ENOSF1: variants seen among roughly 807,000 people sequenced by gnomAD.
ENOSF1 encodes mitochondrial enolase superfamily member 1.
ENOSF1 carries 73 observed loss-of-function variants against 68.2 expected under a neutral mutation model. That is an observed-to-expected ratio of 1.07 (90% CI 0.89 to 1.30). ENOSF1 has a LOEUF of 1.30. ENOSF1 is among the 50% of genes most tolerant of loss of function. The pLI is 0.00. For synonymous variants in ENOSF1, 223 were observed against 210.4 expected (o/e 1.06, Z -0.52); for missense variants, 589 against 554.5 (o/e 1.06, Z -0.62).
chr18:690,408 G>T, intron 8 of ENOSF1, 141 bp downstream of exon 8: 1 of 875,518 alleles, frequency 1.1e-6, no homozygotes, highest in Non-Finnish European at 1.8e-6. Flanking sequence ...GAGAAGTGGA[G>T]AACTGGTTGG....
At chr18:668,929 T>G (rs910329187), downstream of ENOSF1, 1 of 604,126 alleles carries the variant, frequency 1.7e-6, no homozygotes, top group Non-Finnish European at 2.8e-6. Context: ...ATCTGCAAAC[T>G]TTGCAGGATG....
chr18:664,872 A>G, the ENOSF1 span, among the ~76,000 whole-genome samples: 13 of 123,510 alleles, frequency 1.1e-4, no homozygotes, highest in African/African-American at 4.5e-4. Context: ...TGAAGCCCAC[A>G]TGATCATGGT....
At chr18:706,047 G>A (rs2847327) in intron 2 of ENOSF1, among the ~76,000 whole-genome samples, 1 of 151,744 alleles carries the variant, frequency 6.6e-6, no homozygotes, top group Non-Finnish European at 1.5e-5. Context: ...GCGAGTAGAC[G>A]TGCTGTGCAC....
chr18:667,125 T>A (rs796223758), downstream of ENOSF1, among the ~76,000 whole-genome samples: 30 of 73,552 alleles, frequency 4.1e-4, no homozygotes, highest in Middle Eastern at 7.4e-3. Context: ...ATGGTGATGG[T>A]GATGGAGATG....
chr18:666,596 G>A (rs1032813821), downstream of ENOSF1, among the ~76,000 whole-genome samples: 2 of 152,190 alleles, frequency 1.3e-5, no homozygotes, highest in East Asian at 3.9e-4. Flanking sequence ...GAGAGCAGGT[G>A]TCTCATCTAA....
chr18:712,274 A>G (rs1348058397), intron 1 of ENOSF1: 14 of 1,529,210 alleles, frequency 9.2e-6, no homozygotes, highest in South Asian at 3.6e-5. Flanking sequence ...TACAGAAGCA[A>G]TGGGTTCGAA....
chr18:685,389 T>C (rs2076519935), intron 10 of ENOSF1, among the ~76,000 whole-genome samples: 2 of 151,574 alleles, frequency 1.3e-5, no homozygotes, highest in Admixed American at 1.3e-4. Flanking sequence ...CATGTATAAA[T>C]AGTGATCCTG....
At chr18:710,578 G>A (rs1461358480) in intron 1 of ENOSF1, among the ~76,000 whole-genome samples, 1 of 151,998 alleles carries the variant, frequency 6.6e-6, no homozygotes, top group African/African-American at 2.4e-5. Flanking sequence ...GCAGTGGCAT[G>A]ATCATAGCTC....
At chr18:670,042 CTTA>C (rs1245659958), downstream of ENOSF1, among the ~76,000 whole-genome samples, 3 of 128,582 alleles carry the variant, frequency 2.3e-5, no homozygotes, top group Non-Finnish European at 4.7e-5. Context: ...GTAATAGAGA[CTTA>C]TTTTTTTTTT....
rs373937557 is a variant in ENOSF1, at chr18:676,030, A to G, written c.1149-628T>C. On this transcript the variant is annotated intron_variant, in intron 14 of 15. Transcript: ENST00000647584. ...GAAGCAAACCCAGATGCAGAACAAT[A>G]AAATACATTCCATACTCCCCACCCA... Among the ~76,000 whole-genome samples the G allele has an allele frequency of 9.0e-4, 137 of 152,344 alleles. 2 individuals are homozygous for G. In the South Asian group the frequency reaches 0.027, roughly 30 times the overall value.
At chr18:677,317 CAG>C (rs768857302) in intron 14 of ENOSF1, 26 bp downstream of exon 14, 96 of 1,587,102 alleles carry the variant, frequency 6.0e-5, no homozygotes, top group Non-Finnish European at 7.3e-5. Flanking sequence ...CCTACTGAAA[CAG>C]AAAGTATTAA....
At chr18:685,818 A>C (rs76254077) in intron 10 of ENOSF1, 103 bp downstream of exon 10, 2 of 955,546 alleles carry the variant, frequency 2.1e-6, no homozygotes, top group African/African-American at 1.6e-5. Context: ...ACTTCCTCTG[A>C]CAATTAACTT....
Position 697,324 on chromosome 18 carries a change from A to G in ENOSF1, c.225T>C (p.His75=), listed in dbSNP as rs1190452796. 3 of 1,613,856 alleles carry G rather than the reference A, an allele frequency of 1.9e-6. No homozygotes were observed. Among genetic ancestry groups the G allele is most frequent in the Non-Finnish European group, 2.5e-6 (3 of 1,179,916 alleles). The change falls in exon 3 of 16, where the codon CAT becomes CAC. Residue 75 remains histidine (H), a synonymous_variant. Coordinates refer to ENST00000647584, the MANE Select transcript of ENOSF1 (RefSeq NM_017512.7). ...TGTCCTTGAGGTCCTTGTTGAGCAC[A>G]TGGTGGGCGAGGGCATTCACAGCAC... ...VVCAVNALAH[H]VLNKDLKDIV...
In ENOSF1 at chr18:697,326, G is replaced by T; in HGVS notation, c.223C>A (p.His75Asn). 6.2e-7 allele frequency: 1 copy of T among 1,613,844 alleles called. No individual in the cohort carries two copies. Among genetic ancestry groups the T allele is most frequent in the Non-Finnish European group, 8.5e-7 (1 of 1,179,876 alleles). Residue 75 changes from histidine (H) to asparagine (N), a missense_variant, in exon 3 of 16, where the codon CAT becomes AAT. Physicochemically the swap from His to Asn is moderately conservative, Grantham distance 68 (BLOSUM62 1). Transcript: ENST00000647584. ...VVCAVNALAH[H>N]VLNKDLKDIV... ...TCCTTGAGGTCCTTGTTGAGCACATGGTGGGCGAGGGCATTCACAGCACAG... is the reference window on the plus strand; with the variant it reads ...TCCTTGAGGTCCTTGTTGAGCACATTGTGGGCGAGGGCATTCACAGCACAG...
At chr18:691,646 A>T (rs1275945580) in intron 5 of ENOSF1, 1 of 201,042 alleles carries the variant, frequency 5.0e-6, no homozygotes, top group East Asian at 1.3e-4. Flanking sequence ...GTTTCTAAGA[A>T]GTTGCTTATG....
chr18:697,314 T>A lies in ENOSF1; in HGVS notation c.235A>T (p.Lys79Ter). The change falls in exon 3 of 16, where the codon AAG becomes TAG. Residue 79 changes from lysine to a stop codon, truncating the protein, a stop_gained. Coordinates refer to ENST00000647584, the MANE Select transcript of ENOSF1 (RefSeq NM_017512.7). LOFTEE classifies it high-confidence loss of function. ...VNALAHHVLN[K>*]DLKDIVGDFR... ...TCACCAACAATGTCCTTGAGGTCCT[T>A]GTTGAGCACATGGTGGGCGAGGGCA... 1.2e-6 allele frequency: 2 copies of A among 1,614,040 alleles called. No homozygotes were observed. Among genetic ancestry groups the A allele is most frequent in the South Asian group, 2.2e-5 (2 of 91,076 alleles).
At chr18:701,756 CA>C (rs71174274) in intron 2 of ENOSF1, among the ~76,000 whole-genome samples, 39,586 of 136,478 alleles carry the variant, frequency 0.29, 6,586 homozygotes, top group East Asian at 0.57. Context: ...GACTCCATCT[CA>C]AAAAAAAAAA....
At chr18:701,780 C>T (rs553839218) in intron 2 of ENOSF1, among the ~76,000 whole-genome samples, 8 of 146,656 alleles carry the variant, frequency 5.5e-5, no homozygotes, top group African/African-American at 1.3e-4. Context: ...AATTAGCTGG[C>T]GTGATAGTGG....
Position 712,503 on chromosome 18 carries a change from C to T in ENOSF1, c.84+1G>A, listed in dbSNP as rs936708972. On this transcript the variant is annotated splice_donor_variant, in intron 1 of 15. Coordinates refer to ENST00000647584, the MANE Select transcript of ENOSF1 (RefSeq NM_017512.7). LOFTEE classifies it high-confidence loss of function. ...GCGCTTACCATGGCGTCCGCGCTTA[C>T]CATGGCGTCCGCGCCGTGGCCCCCA... The T allele has an allele frequency of 1.3e-6, 2 of 1,538,314 alleles. No homozygotes were observed. Among genetic ancestry groups the T allele is most frequent in the Admixed American group, 2.0e-5 (1 of 50,940 alleles).
Sources: allele counts gnomAD v4.1 joint callset (sites outside exome capture counted in the v4.1 genomes callset), GRCh38; gene constraint gnomAD v4.1.1; transcripts MANE v1.5; gene names NCBI Gene and HGNC (gene_info 2026-07-23, HGNC 2026-07-21).